Variants in ZWILCH observed in about 807,000 individuals in gnomAD.
ZWILCH encodes the protein protein zwilch homolog.
In ZWILCH, 74 loss-of-function variants were observed where a neutral mutation model predicts 79.9. That is an observed-to-expected ratio of 0.93 (90% confidence interval 0.77 to 1.12). The LOEUF (loss-of-function observed/expected upper bound fraction) is 1.12. Among genes scored for constraint, ZWILCH ranks in the 50% most tolerant of loss-of-function variants. The pLI, the probability that ZWILCH is intolerant of heterozygous loss-of-function variation, is 0.00. For synonymous variants in ZWILCH, 241 were observed against 228.2 expected (o/e 1.06, Z -0.51); for missense variants, 694 against 687.5 (o/e 1.01, Z -0.11).
chr15:66,512,712 A>G (rs1178053078), intron 2 of ZWILCH, among the ~76,000 whole-genome samples: 1 of 152,148 alleles, frequency 6.6e-6, no homozygotes, highest in East Asian at 1.9e-4. Context: ...GATTCAGGCA[A>G]TTCTCCTGGC....
At chr15:66,518,439 C>T (rs1165543944) in intron 4 of ZWILCH, among the ~76,000 whole-genome samples, 1 of 151,956 alleles carries the variant, frequency 6.6e-6, no homozygotes, top group Non-Finnish European at 1.5e-5. Context: ...CGCCACTACA[C>T]CAGGCTAATT....
intron 17 of ZWILCH, among the ~76,000 whole-genome samples, chr15:66,544,684 G>A (rs932247866): frequency 7.0e-6 from 1 of 142,518 alleles, no homozygotes; most frequent in Non-Finnish European, 1.6e-5. Context: ...TGAAACATTT[G>A]TGAAAAAAAT....
intron 16 of ZWILCH, among the ~76,000 whole-genome samples, chr15:66,539,748 G>T (rs12593241): frequency 1.3e-5 from 2 of 151,984 alleles, no homozygotes; most frequent in Middle Eastern, 3.4e-3. Context: ...TCATCCTGGA[G>T]TTTATCTGCC....
intron 2 of ZWILCH, among the ~76,000 whole-genome samples, chr15:66,511,755 A>C (rs1302551021): frequency 6.6e-6 from 1 of 152,084 alleles, no homozygotes; most frequent in African/African-American, 2.4e-5. Context: ...AGCTGGGATT[A>C]TAGGCACCCA....
intron 15 of ZWILCH, 48 bp from the exon 16 acceptor site, chr15:66,537,120 T>C (rs778891936): frequency 2.0e-6 from 3 of 1,479,396 alleles, no homozygotes; most frequent in East Asian, 4.6e-5. Context: ...AAAAACGTTA[T>C]GTCAAATGGC....
chr15:66,522,331 C>CTT lies in ZWILCH; in HGVS notation c.747+1143_747+1144dup, dbSNP rs1292788536. ...GGGAATAGTTGAAATAGATTTCTTT[C>CTT]TTTTTTTTTTTTTTTTTTCTGGGGC... is the stretch of plus-strand genomic sequence containing the variant. On this transcript the variant is annotated intron_variant, in intron 7 of 18. Transcript: ENST00000307897. Among the ~76,000 whole-genome samples, 137 of 135,816 alleles carry CTT rather than the reference C, an allele frequency of 1.0e-3. 1 individual carries two copies. Among genetic ancestry groups the CTT allele is most frequent in the African/African-American group, 3.2e-3 (116 of 36,674 alleles). The allele number at this position is 135,816 out of a possible 152,430, so 89.1% of individuals were successfully genotyped here. A position where few individuals can be genotyped will look rare whatever the true frequency, so the allele number is the denominator to read the frequency against.
At chr15:66,524,491 CTA>C (rs1311674456) in intron 8 of ZWILCH, 2 of 152,186 alleles carry the variant, frequency 1.3e-5, no homozygotes, top group Non-Finnish European at 2.9e-5. Flanking sequence ...CTGTCATACT[CTA>C]TCATCTTCTG....
chr15:66,545,357 A>G (rs966479441), intron 17 of ZWILCH, among the ~76,000 whole-genome samples: 6 of 152,266 alleles, frequency 3.9e-5, no homozygotes, highest in Middle Eastern at 3.4e-3. Flanking sequence ...TCTGTCTCCA[A>G]AAAAATAAAG....
intron 1 of ZWILCH, chr15:66,505,857 C>T (rs1336570877): frequency 5.8e-6 from 1 of 172,208 alleles, no homozygotes; most frequent in East Asian, 1.9e-4. Flanking sequence ...TTTGAAAACA[C>T]CTTTATTTTT....
intron 11 of ZWILCH, among the ~76,000 whole-genome samples, 156 bp from the exon 12 acceptor site, chr15:66,529,338 C>CT (rs370654105): frequency 0.24 from 35,808 of 146,570 alleles, 4,647 homozygotes; most frequent in Middle Eastern, 0.36. Context: ...TTCATTAAAT[C>CT]TTTTTTTTTT....
chr15:66,521,246 C>G lies in ZWILCH; in HGVS notation c.747+41C>G, dbSNP rs1285954322. Reference sequence around the variant, plus strand: ...ATTTCCTTTTCGGGTTCATGAGACTCCTAAATGTTGGCTTACTTGGTTGTT... The same window carrying G: ...ATTTCCTTTTCGGGTTCATGAGACTGCTAAATGTTGGCTTACTTGGTTGTT... On this transcript the variant is annotated intron_variant, in intron 7 of 18. Coordinates refer to ENST00000307897, the MANE Select transcript of ZWILCH (RefSeq NM_017975.5). The G allele has an allele frequency of 1.9e-6, 3 of 1,596,094 alleles. No homozygotes were observed. The East Asian group carries it at 6.7e-5, about 36-fold the overall frequency.
At chr15:66,528,093 T>C (rs1479007121) in intron 10 of ZWILCH, among the ~76,000 whole-genome samples, 181 bp downstream of exon 10, 2 of 152,128 alleles carry the variant, frequency 1.3e-5, no homozygotes, top group African/African-American at 4.8e-5. Flanking sequence ...AAATGATAAA[T>C]ATTTTTATTT....
intron 11 of ZWILCH, 58 bp from the exon 12 acceptor site, chr15:66,529,436 A>G: frequency 8.6e-7 from 1 of 1,163,434 alleles, no homozygotes; most frequent in East Asian, 2.4e-5. Context: ...AAGATTAATG[A>G]TATATTTGAT....
chr15:66,546,736 C>A, intron 18 of ZWILCH, 31 bp downstream of exon 18: 1 of 1,284,014 alleles, frequency 7.8e-7, no homozygotes, highest in South Asian at 1.4e-5. Flanking sequence ...GTCTCTTTGT[C>A]AAATACTTTG....
chr15:66,520,601 T>G lies in ZWILCH; in HGVS notation c.532T>G (p.Tyr178Asp), dbSNP rs1308673130. ...TTCATTTCCTATAGCTGATAAAAAT[T>G]ATTCTGTAAATCTTGAAAACCTAAA... Reference protein sequence around the residue: ...YVVSCKADKNYSVNLENLKNL... With the variant: ...YVVSCKADKNDSVNLENLKNL... Residue 178 changes from tyrosine (Y) to aspartate (D), a missense_variant, in exon 6 of 19, where the codon TAT becomes GAT. Transcript: ENST00000307897. The G allele has an allele frequency of 1.3e-6, 2 of 1,502,142 alleles. No homozygotes were observed. The highest frequency in any genetic ancestry group is 1.8e-6 in the Non-Finnish European group (2 of 1,085,900). The allele number at this position is 1,502,142 out of a possible 1,614,324, so 93.1% of individuals were successfully genotyped here. A position where few individuals can be genotyped will look rare whatever the true frequency, so the allele number is the denominator to read the frequency against.
chr15:66,540,397 C>G lies in ZWILCH; in HGVS notation c.1687+187C>G, dbSNP rs143380926. Among the ~76,000 whole-genome samples the G allele has an allele frequency of 8.6e-3, 1,312 of 151,784 alleles. 15 individuals are homozygous for G. Among genetic ancestry groups the G allele is most frequent in the African/African-American group, 0.03 (1,235 of 41,430 alleles). ...TGAAACCCCATCTCTACTAAAAATA[C>G]AAAAAATTAGCCGGGCATGGTTGCA... On this transcript the variant is annotated intron_variant, in intron 17 of 18. Transcript: ENST00000307897.
Position 66,548,643 on chromosome 15 carries a change from C to A in ZWILCH, c.*319C>A. On this transcript the variant is annotated 3_prime_UTR_variant, in exon 19 of 19. Transcript: ENST00000307897. ...AGAGAACGAGCACCACAAATGAGAA[C>A]AGGATCATTTTAGTAAATACAGCTT... 2 of 1,084,528 alleles carry A rather than the reference C, an allele frequency of 1.8e-6. No homozygotes were observed. Among genetic ancestry groups the A allele is most frequent in the South Asian group, 1.3e-5 (1 of 78,886 alleles). The allele number at this position is 1,084,528 out of a possible 1,614,324, so 67.2% of individuals were successfully genotyped here. A position where few individuals can be genotyped will look rare whatever the true frequency, so the allele number is the denominator to read the frequency against.
chr15:66,537,132 C>T, intron 15 of ZWILCH, 36 bp from the exon 16 acceptor site: 1 of 1,568,236 alleles, frequency 6.4e-7, no homozygotes, highest in Non-Finnish European at 8.7e-7. Context: ...TCAAATGGCT[C>T]TTTTTTCCAA....
chr15:66,545,782 A>C (rs1895352347), intron 17 of ZWILCH, among the ~76,000 whole-genome samples: 1 of 152,250 alleles, frequency 6.6e-6, no homozygotes, highest in Admixed American at 6.5e-5. Context: ...GGCTATTCAA[A>C]CAAAGTCTTA....
Sources: gnomAD v4.1 joint callset for allele counts (sites outside exome capture counted in the v4.1 genomes callset) on GRCh38, gnomAD v4.1.1 for gene constraint, MANE v1.5 for transcripts, NCBI Gene and HGNC (gene_info 2026-07-23, HGNC 2026-07-21) for gene names.